ARNT2: variants seen among roughly 807,000 people sequenced by gnomAD.
ARNT2 encodes aryl hydrocarbon receptor nuclear translocator 2.
In ARNT2, 36 loss-of-function variants were observed where a neutral mutation model predicts 91.7. The ratio of observed to expected loss-of-function variants is 0.39; its 90% confidence interval spans 0.30 to 0.52. The LOEUF (loss-of-function observed/expected upper bound fraction) is 0.52, where lower values mean the gene tolerates loss of function less well. ARNT2 is among the 20% of genes least tolerant of loss of function. ARNT2 has a pLI of 0.72. For synonymous variants in ARNT2, 365 were observed against 347.1 expected, an observed-to-expected ratio of 1.05 and a Z score of -0.57; for missense variants, 775 against 939.3, an observed-to-expected ratio of 0.83 and a Z score of 2.29.
chr15:80,469,707 C>T (rs1896706813), intron 3 of ARNT2, among the ~76,000 whole-genome samples: 1 of 152,142 alleles, frequency 6.6e-6, no homozygotes. Context: ...CTCCATCTCC[C>T]AGGTTCAAGC....
chr15:80,417,411 CCTGA>C (rs1226980795), intron 1 of ARNT2, among the ~76,000 whole-genome samples: 1 of 152,146 alleles, frequency 6.6e-6, no homozygotes, highest in African/African-American at 2.4e-5. Context: ...CCTTTTGTTG[CCTGA>C]CTTAGTGACT....
intron 2 of ARNT2, among the ~76,000 whole-genome samples, chr15:80,452,593 G>T (rs1243386590): frequency 6.6e-6 from 1 of 152,170 alleles, no homozygotes; most frequent in Non-Finnish European, 1.5e-5. Context: ...ACTCTAACTC[G>T]CATTCCCTGA....
intron 4 of ARNT2, among the ~76,000 whole-genome samples, chr15:80,471,303 C>T (rs1324306745): frequency 6.6e-6 from 1 of 152,140 alleles, no homozygotes; most frequent in Non-Finnish European, 1.5e-5. Flanking sequence ...CACATGTTCC[C>T]ACTTGTAAGT....
At chr15:80,426,367 TC>T in intron 1 of ARNT2, among the ~76,000 whole-genome samples, 1 of 152,330 alleles carries the variant, frequency 6.6e-6, no homozygotes, top group East Asian at 1.9e-4. Flanking sequence ...GTCCTGTTGG[TC>T]CCTGTATTTC....
chr15:80,546,692 C>T (rs535211823), intron 8 of ARNT2, among the ~76,000 whole-genome samples: 15 of 152,160 alleles, frequency 9.9e-5, no homozygotes, highest in Non-Finnish European at 1.8e-4. Context: ...TGGCTGGGCG[C>T]GGTGGCTCAT....
In ARNT2 at chr15:80,552,764, A is replaced by G. The variant is rs757606373; in HGVS notation, c.1079A>G (p.Tyr360Cys). ...CCAAGATGTATCAGTGTGATTGGCT[A>G]CCAACCCCAGGTGAGTAGATAGTTT... ...VDPRCISVIGYQPQDLLGKDI... is the reference protein window; with the variant it reads ...VDPRCISVIGCQPQDLLGKDI... Residue 360 changes from tyrosine (Y) to cysteine (C), a missense_variant, in exon 10 of 19, where the codon TAC becomes TGC. Physicochemically the swap from Tyr to Cys is radical, Grantham distance 194. This residue lies in a region of ARNT2 where 285 missense variants were observed against 327.2 expected (regional missense o/e 0.87). Coordinates refer to ENST00000303329, the MANE Select transcript of ARNT2 (RefSeq NM_014862.4). 8 of 1,614,074 alleles carry G rather than the reference A, an allele frequency of 5.0e-6. No homozygotes were observed. In the Admixed American group the frequency reaches 1.2e-4, roughly 24 times the overall value.
In ARNT2 at chr15:80,475,105, C is replaced by T; in HGVS notation, c.504C>T (p.Thr168=). The T allele has an allele frequency of 6.2e-7, 1 of 1,614,138 alleles. No individual in the cohort carries two copies. The highest frequency in any genetic ancestry group is 1.1e-5 in the South Asian group (1 of 91,088). Reference sequence around the variant, plus strand: ...TGATTTATGTGTCTGACTCCGTCACCCCTGTTCTGAACCAGCCCCAGTCAG... The same window carrying T: ...TGATTTATGTGTCTGACTCCGTCACTCCTGTTCTGAACCAGCCCCAGTCAG... ...GRVIYVSDSV[T]PVLNQPQSEW... Residue 168 remains threonine, a synonymous_variant, in exon 5 of 19, where the codon ACC becomes ACT. Transcript: ENST00000303329.
intron 14 of ARNT2, 71 bp from the exon 15 acceptor site, chr15:80,576,795 T>C (rs1238703702): frequency 1.9e-5 from 30 of 1,540,422 alleles, no homozygotes; most frequent in South Asian, 2.2e-5. Context: ...GCACCTCTTC[T>C]TGGGGCAGCC....
chr15:80,418,282 G>A (rs1162482758), intron 1 of ARNT2, among the ~76,000 whole-genome samples: 3 of 152,218 alleles, frequency 2.0e-5, no homozygotes, highest in Non-Finnish European at 4.4e-5. Flanking sequence ...GGCATTCCCA[G>A]TTCCACTGCG....
intron 17 of ARNT2, among the ~76,000 whole-genome samples, chr15:80,588,408 C>T (rs563809852): frequency 3.3e-5 from 5 of 152,188 alleles, no homozygotes; most frequent in South Asian, 4.2e-4. Flanking sequence ...ATTCCTTTCT[C>T]GGTTGGTCTC....
chr15:80,555,237 G>T, intron 11 of ARNT2, 98 bp downstream of exon 11: 2 of 1,323,682 alleles, frequency 1.5e-6, no homozygotes, highest in Non-Finnish European at 2.1e-6. Context: ...CAGGCAGGCT[G>T]CAAGGTCCTA....
At chr15:80,456,060 T>C (rs1896477358) in intron 2 of ARNT2, among the ~76,000 whole-genome samples, 1 of 152,212 alleles carries the variant, frequency 6.6e-6, no homozygotes, top group South Asian at 2.1e-4. Flanking sequence ...GGTGCTTACC[T>C]TCGCGATGTA....
chr15:80,549,669 TCAGA>T (rs1364746472), intron 8 of ARNT2, among the ~76,000 whole-genome samples: 1 of 152,232 alleles, frequency 6.6e-6, no homozygotes, highest in Non-Finnish European at 1.5e-5. Flanking sequence ...TTCTCACCTG[TCAGA>T]CTGACAAACA....
At chr15:80,428,486 G>A (rs962243525) in intron 1 of ARNT2, among the ~76,000 whole-genome samples, 2 of 152,148 alleles carry the variant, frequency 1.3e-5, no homozygotes, top group Non-Finnish European at 2.9e-5. Context: ...CACAGTAATT[G>A]TGCAGGAATT....
chr15:80,529,011 C>G (rs189740070), intron 8 of ARNT2, among the ~76,000 whole-genome samples: 1 of 152,276 alleles, frequency 6.6e-6, no homozygotes, highest in East Asian at 1.9e-4. Context: ...TTGCTTACCC[C>G]TGGTTTTATC....
At chr15:80,513,775 G>T in intron 6 of ARNT2, 136 bp from the exon 7 acceptor site, 19 of 550,822 alleles carry the variant, frequency 3.4e-5, no homozygotes, top group Non-Finnish European at 5.2e-5. Context: ...CTGCACTTTT[G>T]AAGAAAATTG....
chr15:80,574,248 T>C, intron 13 of ARNT2, 28 bp downstream of exon 13: 1 of 1,605,524 alleles, frequency 6.2e-7, no homozygotes, highest in Non-Finnish European at 8.5e-7. Context: ...CCTTTCCCTG[T>C]TGGAATTGTC....
chr15:80,466,582 C>T (rs998283455), intron 3 of ARNT2, among the ~76,000 whole-genome samples: 2 of 152,274 alleles, frequency 1.3e-5, no homozygotes, highest in Non-Finnish European at 2.9e-5. Flanking sequence ...TCTCCTCACT[C>T]TGGGGAAGAG....
At chr15:80,508,284 A>C (rs748378120) in intron 6 of ARNT2, 26 bp downstream of exon 6, 8 of 1,611,594 alleles carry the variant, frequency 5.0e-6, no homozygotes, top group Non-Finnish European at 6.8e-6. Flanking sequence ...GCAGCAGGCC[A>C]TCAGGTGGTT....
Sources: allele counts gnomAD v4.1 joint callset (sites outside exome capture counted in the v4.1 genomes callset), GRCh38; gene constraint gnomAD v4.1.1; regional missense constraint gnomAD v4.1.1; transcripts MANE v1.5; gene names NCBI Gene and HGNC (gene_info 2026-07-23, HGNC 2026-07-21).